Variants in GPC5 observed in about 807,000 individuals in gnomAD.
GPC5 encodes the protein glypican 5.
Under a neutral mutation model 53.9 loss-of-function variants are expected in GPC5, and 47 were observed. The observed-to-expected ratio is 0.87, with a 90% CI of 0.69 to 1.11. The LOEUF is 1.11. Among genes scored for constraint, GPC5 ranks in the 50% most tolerant of loss-of-function variants. The probability of loss-of-function intolerance (pLI) is 0.00; values close to 1 mark genes in which losing one functional copy is unlikely to be tolerated. For synonymous variants in GPC5, 286 were observed against 263.3 expected (o/e 1.09, Z -0.84); for missense variants, 748 against 713.1 (o/e 1.05, Z -0.56).
chr13:92,811,261 G>A (rs190278361), intron 7 of GPC5, among the ~76,000 whole-genome samples: 37 of 151,946 alleles, frequency 2.4e-4, no homozygotes, highest in Non-Finnish European at 4.1e-4. Flanking sequence ...TTGTTAGGTC[G>A]TATAGTAATT....
At chr13:91,691,484 T>G (rs2035756465) in intron 2 of GPC5, among the ~76,000 whole-genome samples, 2 of 152,140 alleles carry the variant, frequency 1.3e-5, no homozygotes, top group African/African-American at 4.8e-5. Context: ...TTTCATTCTT[T>G]CATATTTTTA....
At chr13:92,318,465 A>G (rs1394562566) in intron 7 of GPC5, among the ~76,000 whole-genome samples, 1 of 152,216 alleles carries the variant, frequency 6.6e-6, no homozygotes, top group East Asian at 1.9e-4. Context: ...GTAAAATATA[A>G]CAAATAAGTA....
intron 4 of GPC5, among the ~76,000 whole-genome samples, chr13:91,734,107 TC>T (rs2036762722): frequency 1.4e-5 from 2 of 147,082 alleles, no homozygotes; most frequent in Admixed American, 6.6e-5. Flanking sequence ...TGTCATAGGT[TC>T]TTTTATGTGA....
chr13:92,209,619 A>G (rs1302500959), intron 7 of GPC5, among the ~76,000 whole-genome samples: 1 of 152,172 alleles, frequency 6.6e-6, no homozygotes, highest in East Asian at 1.9e-4. Context: ...TGCTCCCAAC[A>G]ACCTTGTGAC....
At chr13:92,478,701 T>C (rs1879239302) in intron 7 of GPC5, among the ~76,000 whole-genome samples, 1 of 152,060 alleles carries the variant, frequency 6.6e-6, no homozygotes, top group East Asian at 1.9e-4. Context: ...TTGAAAGAAA[T>C]GCAGTTACAC....
intron 5 of GPC5, among the ~76,000 whole-genome samples, chr13:91,847,016 G>A (rs1410212671): frequency 2.0e-5 from 3 of 151,922 alleles, no homozygotes; most frequent in South Asian, 2.1e-4. Flanking sequence ...TCAGGAGATC[G>A]AGACCATCCT....
intron 1 of GPC5, among the ~76,000 whole-genome samples, chr13:91,433,825 A>G (rs149178200): frequency 0.026 from 3,883 of 149,558 alleles, 82 homozygotes; most frequent in Middle Eastern, 0.059. Context: ...CAACAGTGTA[A>G]AAGTGTTCCT....
In GPC5 at chr13:91,400,375, T is replaced by A. The variant is rs997480308; in HGVS notation, c.163+1166T>A. On this transcript the variant is annotated intron_variant, in intron 1 of 7. Coordinates refer to ENST00000377067, the MANE Select transcript of GPC5 (RefSeq NM_004466.6). Reference sequence around the variant, plus strand: ...AACACTGACTCCATTTGAGTTTACATGACCAGTCTTAAACCCAGCTATTTC... The same window carrying A: ...AACACTGACTCCATTTGAGTTTACAAGACCAGTCTTAAACCCAGCTATTTC... Among the ~76,000 whole-genome samples, 3 of 152,232 alleles carry A rather than the reference T, an allele frequency of 2.0e-5. No individual in the cohort carries two copies. The South Asian group carries it at 6.2e-4, about 32-fold the overall frequency.
chr13:91,586,053 T>TA (rs1221688606), intron 2 of GPC5, among the ~76,000 whole-genome samples: 5 of 131,044 alleles, frequency 3.8e-5, no homozygotes, highest in Non-Finnish European at 7.8e-5. Context: ...TAAAAAAATT[T>TA]AAAAAAAGAT....
intron 6 of GPC5, among the ~76,000 whole-genome samples, chr13:92,016,157 A>G (rs2040704951): frequency 1.3e-5 from 2 of 152,246 alleles, no homozygotes; most frequent in South Asian, 2.1e-4. Context: ...TTCAATGTCA[A>G]ATGCACGCTA....
intron 7 of GPC5, among the ~76,000 whole-genome samples, chr13:92,610,490 C>T (rs1884398635): frequency 6.6e-6 from 1 of 152,126 alleles, no homozygotes; most frequent in East Asian, 1.9e-4. Context: ...TTTCTTTAGT[C>T]TCACAAAAGG....
chr13:92,535,876 C>A (rs768586601), intron 7 of GPC5, among the ~76,000 whole-genome samples: 3 of 152,042 alleles, frequency 2.0e-5, no homozygotes, highest in Non-Finnish European at 4.4e-5. Context: ...TAAAAACTCA[C>A]CTCAATGGAG....
chr13:91,616,954 G>A (rs943974978), intron 2 of GPC5, among the ~76,000 whole-genome samples: 1 of 152,006 alleles, frequency 6.6e-6, no homozygotes, highest in African/African-American at 2.4e-5. Flanking sequence ...ACATCTTTTG[G>A]GGGGTGTTCA....
chr13:92,196,351 A>G (rs902095594), intron 7 of GPC5, among the ~76,000 whole-genome samples: 13 of 152,178 alleles, frequency 8.5e-5, no homozygotes, highest in African/African-American at 3.1e-4. Context: ...CAGGAATATG[A>G]ATAGAAATAA....
intron 7 of GPC5, among the ~76,000 whole-genome samples, chr13:92,854,380 A>C (rs547245946): frequency 6.7e-6 from 1 of 149,392 alleles, no homozygotes; most frequent in Non-Finnish European, 1.5e-5. Flanking sequence ...AATAGATATT[A>C]AATATATATT....
intron 7 of GPC5, among the ~76,000 whole-genome samples, chr13:92,532,043 A>G (rs1484076399): frequency 6.6e-6 from 1 of 152,162 alleles, no homozygotes; most frequent in Non-Finnish European, 1.5e-5. Context: ...TCTACTTCCA[A>G]TTAAAGGCAG....
At chr13:91,904,146 T>TC (rs2039529264) in intron 5 of GPC5, among the ~76,000 whole-genome samples, 1 of 145,496 alleles carries the variant, frequency 6.9e-6, no homozygotes, top group Non-Finnish European at 1.5e-5. Context: ...CTTTCTTTTT[T>TC]TTTTTTTTTT....
chr13:92,843,884 A>C (rs1042114771), intron 7 of GPC5, among the ~76,000 whole-genome samples: 1 of 152,004 alleles, frequency 6.6e-6, no homozygotes, highest in Non-Finnish European at 1.5e-5. Flanking sequence ...TTATATTTGT[A>C]CTGAAGGCAG....
At chr13:91,637,693 C>A (rs2034318152) in intron 2 of GPC5, among the ~76,000 whole-genome samples, 1 of 152,044 alleles carries the variant, frequency 6.6e-6, no homozygotes, top group Non-Finnish European at 1.5e-5. Context: ...ACTGCTAAGG[C>A]GAAGAGAGAA....
Sources: gnomAD v4.1 joint callset for allele counts (sites outside exome capture counted in the v4.1 genomes callset) on GRCh38, gnomAD v4.1.1 for gene constraint, MANE v1.5 for transcripts, NCBI Gene and HGNC (gene_info 2026-07-23, HGNC 2026-07-21) for gene names.